Variants in CAMK2D observed in about 807,000 individuals in gnomAD.
The protein encoded by CAMK2D is calcium/calmodulin-dependent protein kinase type II subunit delta.
CAMK2D carries 37 observed loss-of-function variants against 84.0 expected under a neutral mutation model. The observed-to-expected ratio is 0.44, with a 90% confidence interval of 0.34 to 0.58. The LOEUF (loss-of-function observed/expected upper bound fraction) is 0.58, where lower values mean the gene tolerates loss of function less well. CAMK2D is among the 20% of genes least tolerant of loss of function. CAMK2D has a pLI of 0.02. For missense variants in CAMK2D, 448 were observed against 652.5 expected, an observed-to-expected ratio of 0.69 and a Z score of 3.41; for synonymous variants, 202 against 212.5, an observed-to-expected ratio of 0.95 and a Z score of 0.43.
At chr4:113,642,291 T>G (rs1368540420) in intron 3 of CAMK2D, among the ~76,000 whole-genome samples, 1 of 152,236 alleles carries the variant, frequency 6.6e-6, no homozygotes, top group African/African-American at 2.4e-5. Context: ...AATTATTTAT[T>G]ATGATTTCCA....
intron 3 of CAMK2D, among the ~76,000 whole-genome samples, chr4:113,638,658 C>T (rs2189368): frequency 0.069 from 10,532 of 152,090 alleles, 563 homozygotes; most frequent in East Asian, 0.19. Context: ...TTCGGTAATG[C>T]GAACTCATTA....
intron 15 of CAMK2D, among the ~76,000 whole-genome samples, chr4:113,500,724 A>C (rs1006336864): frequency 6.6e-6 from 1 of 152,114 alleles, no homozygotes; most frequent in Non-Finnish European, 1.5e-5. Flanking sequence ...CTGGTTGCCT[A>C]ATCTCCGAAG....
chr4:113,510,655 C>T (rs889004874), intron 12 of CAMK2D, among the ~76,000 whole-genome samples: 1 of 152,016 alleles, frequency 6.6e-6, no homozygotes, highest in Non-Finnish European at 1.5e-5. Flanking sequence ...CACACTTATG[C>T]TTTCATTTAA....
At chr4:113,507,192 A>C (rs1466569974) in intron 13 of CAMK2D, among the ~76,000 whole-genome samples, 1 of 152,144 alleles carries the variant, frequency 6.6e-6, no homozygotes, top group African/African-American at 2.4e-5. Context: ...TCTAAGCAAA[A>C]GGCAAGAAGA....
rs920156322 is a variant in CAMK2D, at chr4:113,457,292, A to G, written c.1535+43T>C. The G allele has an allele frequency of 3.1e-6, 5 of 1,610,164 alleles. No individual in the cohort carries two copies. In the East Asian group the frequency reaches 1.1e-4, roughly 36 times the overall value. On this transcript the variant is annotated intron_variant, in intron 19 of 20. Coordinates refer to ENST00000511664, the MANE Select transcript of CAMK2D (RefSeq NM_001321571.2). Reference sequence around the variant, plus strand: ...ATGGAATAAGTAGAAGGAGCTGACCATGGGTGTATTAACAAAGAAGCTGAC... The same window carrying G: ...ATGGAATAAGTAGAAGGAGCTGACCGTGGGTGTATTAACAAAGAAGCTGAC...
At chr4:113,548,289 T>C (rs2098598722) in intron 5 of CAMK2D, among the ~76,000 whole-genome samples, 1 of 152,190 alleles carries the variant, frequency 6.6e-6, no homozygotes, top group African/African-American at 2.4e-5. Flanking sequence ...CAGCAACCCA[T>C]GGTCTCAGAA....
chr4:113,570,924 T>C (rs976403743), intron 4 of CAMK2D, among the ~76,000 whole-genome samples: 6 of 152,074 alleles, frequency 3.9e-5, no homozygotes, highest in Non-Finnish European at 7.4e-5. Flanking sequence ...ACGCAAAATA[T>C]ATAAGAAACA....
intron 2 of CAMK2D, among the ~76,000 whole-genome samples, chr4:113,736,770 G>GA (rs957694704): frequency 1.0e-3 from 155 of 152,118 alleles, no homozygotes; most frequent in African/African-American, 3.7e-3. Context: ...AAGGGCTAAA[G>GA]AAAAAATGTA....
chr4:113,537,765 T>C (rs1454717668), intron 6 of CAMK2D, among the ~76,000 whole-genome samples: 1 of 152,338 alleles, frequency 6.6e-6, no homozygotes, highest in Non-Finnish European at 1.5e-5. Context: ...GGATTCAGAC[T>C]TGGCCACGGA....
At chr4:113,608,056 C>A (rs973382259) in intron 4 of CAMK2D, among the ~76,000 whole-genome samples, 1 of 152,200 alleles carries the variant, frequency 6.6e-6, no homozygotes, top group Non-Finnish European at 1.5e-5. Context: ...AGAAAGACTT[C>A]TCCATGAATA....
intron 16 of CAMK2D, 107 bp from the exon 17 acceptor site, chr4:113,465,711 CTGG>C (rs767211469): frequency 1.4e-6 from 1 of 708,350 alleles, no homozygotes; most frequent in Non-Finnish European, 2.5e-6. Flanking sequence ...GTCACCCATG[CTGG>C]AGTACAGTAG....
At chr4:113,503,659 T>A (rs1015458358) in intron 14 of CAMK2D, among the ~76,000 whole-genome samples, 20 of 152,226 alleles carry the variant, frequency 1.3e-4, no homozygotes, top group Non-Finnish European at 4.4e-5. Context: ...CTGTATTAAT[T>A]CATATCTAAA....
At chr4:113,663,730 T>A (rs2099246258) in intron 2 of CAMK2D, among the ~76,000 whole-genome samples, 1 of 151,138 alleles carries the variant, frequency 6.6e-6, no homozygotes, top group Non-Finnish European at 1.5e-5. Flanking sequence ...ATATAAATCA[T>A]CTGAAAAATA....
intron 4 of CAMK2D, among the ~76,000 whole-genome samples, chr4:113,581,529 A>AAAAAAAAGAAAAGAAAAG (rs373642282): frequency 8.2e-6 from 1 of 121,878 alleles, no homozygotes; most frequent in African/African-American, 3.2e-5. Context: ...AAAAAAAAAA[A>AAAAAAAAGAAAAGAAAAG]AAAAGAAAAG....
At chr4:113,625,537 A>G (rs2099064018) in intron 3 of CAMK2D, among the ~76,000 whole-genome samples, 1 of 152,168 alleles carries the variant, frequency 6.6e-6, no homozygotes, top group Non-Finnish European at 1.5e-5. Context: ...GGAAGACCAT[A>G]TGGAAGATAG....
intron 8 of CAMK2D, 141 bp downstream of exon 8, chr4:113,531,075 C>T: frequency 1.7e-6 from 1 of 573,890 alleles, no homozygotes; most frequent in Non-Finnish European, 3.2e-6. Context: ...CAGAGCAAGA[C>T]ACTGTATCAA....
At chr4:113,490,529 T>A (rs2097824496) in intron 16 of CAMK2D, among the ~76,000 whole-genome samples, 1 of 134,546 alleles carries the variant, frequency 7.4e-6, no homozygotes, top group Non-Finnish European at 1.6e-5. Flanking sequence ...AGTACCACGC[T>A]GTTTTGGTTA....
At chr4:113,676,047 C>A (rs921160268) in intron 2 of CAMK2D, among the ~76,000 whole-genome samples, 1 of 152,148 alleles carries the variant, frequency 6.6e-6, no homozygotes, top group Admixed American at 6.5e-5. Flanking sequence ...TTATCTCTAT[C>A]ATACAAACCA....
chr4:113,497,102 T>C (rs1261851925), intron 16 of CAMK2D, among the ~76,000 whole-genome samples: 2 of 147,920 alleles, frequency 1.4e-5, no homozygotes, highest in African/African-American at 5.1e-5. Flanking sequence ...ACTTTTTTCC[T>C]GGGTTTCACT....
Sources: allele counts gnomAD v4.1 joint callset (sites outside exome capture counted in the v4.1 genomes callset), GRCh38; gene constraint gnomAD v4.1.1; transcripts MANE v1.5; gene names NCBI Gene and HGNC (gene_info 2026-07-23, HGNC 2026-07-21).